The following GUCY1B1 variants were observed in gnomAD, a reference collection of about 807,000 sequenced individuals.
GUCY1B1 encodes the protein guanylate cyclase 1 soluble subunit beta 1.
A neutral mutation model predicts 71.0 loss-of-function variants in GUCY1B1; 43 were observed. The observed-to-expected ratio is 0.61, with a 90% CI of 0.47 to 0.78. The LOEUF (loss-of-function observed/expected upper bound fraction) is 0.78. Among genes scored for constraint, GUCY1B1 ranks in the 30% least tolerant of loss-of-function variants. The pLI is 0.00. For missense variants in GUCY1B1, 535 were observed against 754.1 expected (o/e 0.71, Z 3.40); for synonymous variants, 266 against 259.7 (o/e 1.02, Z -0.23).
intron 2 of GUCY1B1, chr4:155,772,827 T>G: frequency 1.4e-6 from 1 of 698,188 alleles, no homozygotes; most frequent in Non-Finnish European, 2.6e-6. Flanking sequence ...ACAGAAAACA[T>G]GCTTTTAAAA....
intron 2 of GUCY1B1, among the ~76,000 whole-genome samples, chr4:155,770,711 C>T (rs1484166908): frequency 1.3e-5 from 2 of 152,068 alleles, no homozygotes; most frequent in Non-Finnish European, 2.9e-5. Flanking sequence ...GGAAGTGGCC[C>T]CAGAAAGGTT....
intron 2 of GUCY1B1, among the ~76,000 whole-genome samples, chr4:155,761,585 G>A: frequency 6.6e-6 from 1 of 152,150 alleles, no homozygotes; most frequent in Non-Finnish European, 1.5e-5. Flanking sequence ...ACTTTATAGA[G>A]TAATGTATCA....
At chr4:155,769,563 A>T (rs1040807735) in intron 2 of GUCY1B1, among the ~76,000 whole-genome samples, 2 of 152,174 alleles carry the variant, frequency 1.3e-5, no homozygotes, top group Non-Finnish European at 2.9e-5. Flanking sequence ...GGACTTTTAA[A>T]AATAAAAATA....
At chr4:155,791,788 A>G (rs1447349561) in intron 5 of GUCY1B1, among the ~76,000 whole-genome samples, 1 of 151,350 alleles carries the variant, frequency 6.6e-6, no homozygotes, top group Non-Finnish European at 1.5e-5. Context: ...ACAAAAAAAA[A>G]CACAGCATCT....
intron 7 of GUCY1B1, 120 bp from the exon 8 acceptor site, chr4:155,796,257 C>T (rs1156384273): frequency 1.1e-6 from 1 of 903,626 alleles, no homozygotes. Flanking sequence ...CTCTCCTGTT[C>T]TAATGATGCA....
In GUCY1B1 at chr4:155,807,022, A is replaced by G. The variant is rs1378762720; in HGVS notation, c.*613A>G. The G allele has an allele frequency of 6.6e-6, 1 of 152,174 alleles. No individual in the cohort carries two copies. Among genetic ancestry groups the G allele is most frequent in the Non-Finnish European group, 1.5e-5 (1 of 68,022 alleles). 9.4% of individuals were successfully genotyped at this position (152,174 alleles called of 1,614,324 possible). ...GAAGTATGCTACTTCCCTTTCAGAA[A>G]TATAGAATACACGTTTCTGTTATTA... On this transcript the variant is annotated 3_prime_UTR_variant, in exon 14 of 14. Transcript: ENST00000264424.
intron 4 of GUCY1B1, 33 bp downstream of exon 4, chr4:155,777,675 CTG>C (rs747488836): frequency 1.9e-6 from 2 of 1,029,102 alleles, no homozygotes; most frequent in Admixed American, 3.4e-5. Flanking sequence ...GTTAAAAGTT[CTG>C]TGTTTATAAC....
chr4:155,770,320 C>T (rs560132586), intron 2 of GUCY1B1, among the ~76,000 whole-genome samples: 5 of 152,264 alleles, frequency 3.3e-5, no homozygotes, highest in South Asian at 4.1e-4. Context: ...CCTCAAAGAA[C>T]AGTGGCAGCT....
At chr4:155,777,973 T>A (rs374112728) in intron 4 of GUCY1B1, among the ~76,000 whole-genome samples, 3 of 152,218 alleles carry the variant, frequency 2.0e-5, no homozygotes, top group African/African-American at 7.2e-5. Context: ...ATTGTGGTTT[T>A]ATGTGTTAGA....
intron 2 of GUCY1B1, among the ~76,000 whole-genome samples, chr4:155,767,737 C>A (rs1328449018): frequency 2.0e-5 from 3 of 152,070 alleles, no homozygotes; most frequent in Admixed American, 2.0e-4. Flanking sequence ...AGAGTCTCTC[C>A]TTTGGGGTTC....
chr4:155,785,166 A>G (rs974659580), intron 4 of GUCY1B1: 2 of 529,242 alleles, frequency 3.8e-6, no homozygotes, highest in African/African-American at 4.0e-5. Context: ...AAGAAATGAA[A>G]TTATTAAATT....
At chr4:155,781,993 T>C (rs1055994347) in intron 4 of GUCY1B1, among the ~76,000 whole-genome samples, 8 of 152,178 alleles carry the variant, frequency 5.3e-5, no homozygotes, top group South Asian at 2.1e-4. Context: ...TTTTCCACTT[T>C]TTTATTCATA....
intron 3 of GUCY1B1, among the ~76,000 whole-genome samples, chr4:155,777,041 G>A (rs777487654): frequency 3.9e-5 from 6 of 152,178 alleles, no homozygotes; most frequent in African/African-American, 1.4e-4. Context: ...GATTCAAGTC[G>A]AAACATAAAA....
chr4:155,781,038 A>G (rs1432585175), intron 4 of GUCY1B1, among the ~76,000 whole-genome samples: 1 of 152,198 alleles, frequency 6.6e-6, no homozygotes, highest in African/African-American at 2.4e-5. Context: ...TTGCCTGTCC[A>G]CAGCCTCTCA....
rs750431678 is a variant in GUCY1B1 at position 155,795,432 on chromosome 4, A to G, written c.818A>G (p.Asn273Ser). Reference sequence around the variant, plus strand: ...TTCCATGGGATCCTTTCTCACATCAATACTGTTTTTGTATTGAGAAGCAAG... The same window carrying G: ...TTCCATGGGATCCTTTCTCACATCAGTACTGTTTTTGTATTGAGAAGCAAG... Reference protein sequence around the residue: ...ISFHGILSHINTVFVLRSKEG... With the variant: ...ISFHGILSHISTVFVLRSKEG... The change falls in exon 7 of 14, where the codon AAT (asparagine) becomes AGT (serine). Residue 273 changes from asparagine to serine, a missense_variant. Transcript: ENST00000264424. 1 of 1,559,200 alleles carries G rather than the reference A, an allele frequency of 6.4e-7. No homozygotes were observed. Among genetic ancestry groups the G allele is most frequent in the Non-Finnish European group, 8.8e-7 (1 of 1,130,742 alleles).
Position 155,806,750 on chromosome 4 carries a change from CTG to C in GUCY1B1, c.*342_*343del, listed in dbSNP as rs1359998437. ...ATTTGTTGAATTTAGTTAAATGAAACTGAACAGTGTTTGGCCATGTGTATATT... is the reference window on the plus strand; with the variant it reads ...ATTTGTTGAATTTAGTTAAATGAAACAACAGTGTTTGGCCATGTGTATATT... On this transcript the variant is annotated 3_prime_UTR_variant, in exon 14 of 14. Coordinates refer to ENST00000264424, the MANE Select transcript of GUCY1B1 (RefSeq NM_000857.5). 3.8e-6 allele frequency: 1 copy of C among 260,862 alleles called. No homozygotes were observed. The highest frequency in any genetic ancestry group is 4.9e-5 in the Admixed American group (1 of 20,398). The allele number at this position is 260,862 out of a possible 1,614,324, so 16.2% of individuals were successfully genotyped here. A position where few individuals can be genotyped will look rare whatever the true frequency, so the allele number is the denominator to read the frequency against.
chr4:155,791,741 G>GA (rs145292390), intron 5 of GUCY1B1, among the ~76,000 whole-genome samples: 6,252 of 47,368 alleles, frequency 0.13, 472 homozygotes, highest in African/African-American at 0.38. Context: ...CAAAAAAATA[G>GA]AGAAAAAAAA....
intron 4 of GUCY1B1, among the ~76,000 whole-genome samples, chr4:155,783,768 C>T (rs1213930774): frequency 6.6e-6 from 1 of 152,114 alleles, no homozygotes; most frequent in African/African-American, 2.4e-5. Context: ...CTGTAAAATT[C>T]TAATACTTCC....
intron 3 of GUCY1B1, 142 bp from the exon 4 acceptor site, chr4:155,777,382 T>C (rs978349227): frequency 1.8e-5 from 11 of 609,402 alleles, no homozygotes; most frequent in Admixed American, 2.9e-5. Context: ...CCTGGCGGGA[T>C]TTTTTTCATA....
Sources: gnomAD v4.1 joint callset for allele counts (sites outside exome capture counted in the v4.1 genomes callset) on GRCh38, gnomAD v4.1.1 for gene constraint, MANE v1.5 for transcripts, NCBI Gene and HGNC (gene_info 2026-07-23, HGNC 2026-07-21) for gene names.